The following AGTPBP1 variants were observed in gnomAD, a reference collection of about 807,000 sequenced individuals.
AGTPBP1 encodes the protein cytosolic carboxypeptidase 1.
AGTPBP1 carries 70 observed loss-of-function variants against 143.9 expected under a neutral mutation model. The ratio of observed to expected loss-of-function variants is 0.49; its 90% CI spans 0.40 to 0.59. The LOEUF (loss-of-function observed/expected upper bound fraction) is 0.59. Among genes scored for constraint, AGTPBP1 ranks in the 20% least tolerant of loss-of-function variants. The probability of loss-of-function intolerance (pLI) is 0.00; values close to 1 mark genes in which losing one functional copy is unlikely to be tolerated. For synonymous variants in AGTPBP1, 463 were observed against 500.2 expected (o/e 0.93, Z 0.99); for missense variants, 1,229 against 1,464.5 (o/e 0.84, Z 2.62).
At chr9:85,578,030 G>A (rs180924475) in intron 24 of AGTPBP1, among the ~76,000 whole-genome samples, 41 of 152,190 alleles carry the variant, frequency 2.7e-4, no homozygotes, top group Admixed American at 1.8e-3. Context: ...CAAACAAAAT[G>A]GAATGAGCGG....
intron 12 of AGTPBP1, among the ~76,000 whole-genome samples, chr9:85,645,993 A>G (rs1832786329): frequency 6.6e-6 from 1 of 152,184 alleles, no homozygotes; most frequent in Admixed American, 6.5e-5. Context: ...ACTGCTGACA[A>G]AGGATAATAA....
rs909184289 is a variant in AGTPBP1, at chr9:85,546,701, T to C, written c.*408A>G. 1.3e-4 allele frequency: 20 copies of C among 154,148 alleles called. No individual in the cohort carries two copies. The highest frequency in any genetic ancestry group is 3.9e-4 in the African/African-American group (16 of 41,502). The allele number at this position is 154,148 out of a possible 1,614,324, so 9.5% of individuals were successfully genotyped here. A position where few individuals can be genotyped will look rare whatever the true frequency, so the allele number is the denominator to read the frequency against. On this transcript the variant is annotated 3_prime_UTR_variant, in exon 26 of 26. Transcript: ENST00000357081. ...ACCCACTTCTAAACAAACACATCTA[T>C]AGAAATCCATGTACATATATATTAG...
the AGTPBP1 span, among the ~76,000 whole-genome samples, chr9:85,798,969 G>A: frequency 6.6e-6 from 1 of 152,028 alleles, no homozygotes; most frequent in African/African-American, 2.4e-5. Flanking sequence ...ATTTACATTA[G>A]GTATACCTCC....
At chr9:85,598,225 C>A (rs1829423128) in intron 17 of AGTPBP1, among the ~76,000 whole-genome samples, 1 of 151,950 alleles carries the variant, frequency 6.6e-6, no homozygotes, top group Non-Finnish European at 1.5e-5. Flanking sequence ...CATGTTATAT[C>A]ATTTCTTAGA....
intron 3 of AGTPBP1, 123 bp downstream of exon 3, chr9:85,692,566 A>C: frequency 1.6e-6 from 2 of 1,240,462 alleles, no homozygotes; most frequent in Non-Finnish European, 2.2e-6. Flanking sequence ...GAGCCACCAC[A>C]CCCGGCCTGA....
the AGTPBP1 span, among the ~76,000 whole-genome samples, chr9:85,776,462 AC>A: frequency 2.8e-4 from 42 of 152,260 alleles, no homozygotes; most frequent in East Asian, 6.4e-3. Flanking sequence ...AAGGGTCTGG[AC>A]CATTTGTAGT....
chr9:85,551,250 G>C (rs1006623680), intron 25 of AGTPBP1, among the ~76,000 whole-genome samples: 1 of 152,040 alleles, frequency 6.6e-6, no homozygotes, highest in African/African-American at 2.4e-5. Flanking sequence ...TTGCTATAAA[G>C]GAATACCTTT....
chr9:85,695,780 C>T (rs920522178), intron 2 of AGTPBP1, among the ~76,000 whole-genome samples: 3 of 152,006 alleles, frequency 2.0e-5, no homozygotes, highest in South Asian at 4.1e-4. Flanking sequence ...TTCAAGAAAA[C>T]GATGGACAAA....
chr9:85,742,095 G>T, upstream of AGTPBP1: 1 of 1,075,798 alleles, frequency 9.3e-7, no homozygotes, highest in Non-Finnish European at 1.2e-6. Context: ...TCTTCCCGCC[G>T]CGTCCCTTGT....
intron 2 of AGTPBP1, among the ~76,000 whole-genome samples, chr9:85,705,443 G>A (rs150026573): frequency 0.018 from 2,715 of 152,156 alleles, 33 homozygotes; most frequent in Middle Eastern, 0.034. Flanking sequence ...TTGGGAAGCT[G>A]AGGCAAGAGG....
chr9:85,795,793 C>A, the AGTPBP1 span, among the ~76,000 whole-genome samples: 1 of 146,258 alleles, frequency 6.8e-6, no homozygotes. Context: ...GACATGATTT[C>A]GTTGTTTTTT....
chr9:85,781,773 A>G, the AGTPBP1 span, among the ~76,000 whole-genome samples: 8,264 of 152,218 alleles, frequency 0.054, 732 homozygotes, highest in African/African-American at 0.18. Context: ...ATATATCATG[A>G]CCCCTGGAAA....
chr9:85,576,210 A>G (rs1463205180), intron 24 of AGTPBP1, among the ~76,000 whole-genome samples: 2 of 152,220 alleles, frequency 1.3e-5, no homozygotes, highest in African/African-American at 4.8e-5. Context: ...CTCCTTCTTT[A>G]TCATTTATTT....
At chr9:85,751,925 T>C in the AGTPBP1 span, among the ~76,000 whole-genome samples, 1 of 151,000 alleles carries the variant, frequency 6.6e-6, no homozygotes, top group African/African-American at 2.4e-5. Flanking sequence ...CCTCTTGACT[T>C]GACCCTTAAG....
At chr9:85,677,050 G>C (rs546572609) in intron 6 of AGTPBP1, among the ~76,000 whole-genome samples, 1 of 152,292 alleles carries the variant, frequency 6.6e-6, no homozygotes, top group African/African-American at 2.4e-5. Flanking sequence ...TGGAGAGCGG[G>C]AGATAAGGAG....
At chr9:85,680,218 T>G (rs1835085035) in intron 4 of AGTPBP1, among the ~76,000 whole-genome samples, 1 of 152,242 alleles carries the variant, frequency 6.6e-6, no homozygotes, top group Non-Finnish European at 1.5e-5. Flanking sequence ...GATAGTCCCT[T>G]CTCATTTATC....
chr9:85,576,466 G>C (rs1462066277), intron 24 of AGTPBP1, among the ~76,000 whole-genome samples: 1 of 152,110 alleles, frequency 6.6e-6, no homozygotes, highest in Non-Finnish European at 1.5e-5. Context: ...GGTTTAAATA[G>C]TTTGGCCAAC....
At chr9:85,646,952 C>T (rs1832849964) in intron 11 of AGTPBP1, among the ~76,000 whole-genome samples, 1 of 146,434 alleles carries the variant, frequency 6.8e-6, no homozygotes, top group Non-Finnish European at 1.5e-5. Flanking sequence ...AAAAAAATTA[C>T]ACACACACAC....
the AGTPBP1 span, chr9:85,753,336 G>C: frequency 6.2e-7 from 1 of 1,613,908 alleles, no homozygotes; most frequent in East Asian, 2.2e-5. Context: ...ACAGGAAGAA[G>C]GTCTAAAACC....
Sources: gnomAD v4.1 joint callset for allele counts (sites outside exome capture counted in the v4.1 genomes callset) on GRCh38, gnomAD v4.1.1 for gene constraint, MANE v1.5 for transcripts, NCBI Gene and HGNC (gene_info 2026-07-23, HGNC 2026-07-21) for gene names.